The following BIRC5 variants were observed in gnomAD, a reference collection of about 807,000 sequenced individuals.
BIRC5 encodes the protein baculoviral IAP repeat-containing protein 5.
A neutral mutation model predicts 15.8 loss-of-function variants in BIRC5; 8 were observed. That is an observed-to-expected ratio of 0.51 (90% CI 0.30 to 0.91). BIRC5 has a LOEUF of 0.91. BIRC5 is among the 40% of genes least tolerant of loss of function. The probability of loss-of-function intolerance (pLI) is 0.07; values close to 1 mark genes in which losing one functional copy is unlikely to be tolerated. For missense variants in BIRC5, 163 were observed against 178.6 expected (o/e 0.91, Z 0.50); for synonymous variants, 56 against 64.5 (o/e 0.87, Z 0.63).
chr17:78,220,582 C>G (rs1490510631), intron 3 of BIRC5, among the ~76,000 whole-genome samples: 1 of 152,062 alleles, frequency 6.6e-6, no homozygotes, highest in Non-Finnish European at 1.5e-5. Flanking sequence ...TTACAGCCTG[C>G]AAGAAAAGTA....
In BIRC5 at chr17:78,214,323, G is replaced by A. The variant is rs1258524281; in HGVS notation, c.7G>A (p.Ala3Thr). 1.9e-6 allele frequency: 3 copies of A among 1,605,414 alleles called. No individual in the cohort carries two copies. Among genetic ancestry groups the A allele is most frequent in the Non-Finnish European group, 1.7e-6 (2 of 1,177,002 alleles). Reference protein sequence around the residue: MGAPTLPPAWQPF... With the variant: MGTPTLPPAWQPF... The stretch of plus-strand genomic sequence containing the variant: ...CAGAGGTGGCGGCGGCGGCATGGGT[G>A]CCCCGACGTTGCCCCCTGCCTGGCA... The change falls in exon 1 of 4, where the codon GCC becomes ACC. Residue 3 changes from alanine (A) to threonine (T), a missense_variant. Coordinates refer to ENST00000350051, the MANE Select transcript of BIRC5 (RefSeq NM_001168.3).
intron 3 of BIRC5, chr17:78,223,039 G>C: frequency 7.1e-7 from 1 of 1,412,602 alleles, no homozygotes; most frequent in Middle Eastern, 2.5e-4. Context: ...TAGCTGGGGT[G>C]CCTAGACTAG....
chr17:78,214,664 G>T lies in BIRC5; in HGVS notation c.112-16G>T, dbSNP rs1281389996. 1.9e-6 allele frequency: 3 copies of T among 1,588,130 alleles called. No individual in the cohort carries two copies. Among genetic ancestry groups the T allele is most frequent in the Middle Eastern group, 2.1e-4 (1 of 4,724 alleles). On this transcript the variant is annotated splice_polypyrimidine_tract_variant and intron_variant, in intron 1 of 3. Coordinates refer to ENST00000350051, the MANE Select transcript of BIRC5 (RefSeq NM_001168.3). ...GGGCTGCCACGTCCACTCACGAGCT[G>T]TGCTGTCCCTTGCAGATGGCCGAGG...
intron 3 of BIRC5, among the ~76,000 whole-genome samples, chr17:78,219,161 C>T (rs1413875844): frequency 2.0e-5 from 3 of 152,064 alleles, no homozygotes; most frequent in Non-Finnish European, 4.4e-5. Context: ...TAGAGATCAG[C>T]GTAAAATAAT....
intron 2 of BIRC5, chr17:78,216,260 A>AG (rs112819650): frequency 5.6e-4 from 87 of 155,046 alleles, no homozygotes; most frequent in South Asian, 1.9e-3. Flanking sequence ...AAAAAAAAAA[A>AG]AAAAGAAAAA....
chr17:78,216,875 G>A, intron 3 of BIRC5, 94 bp downstream of exon 3: 1 of 983,922 alleles, frequency 1.0e-6, no homozygotes, highest in Non-Finnish European at 1.5e-6. Context: ...TTTTCCTCAG[G>A]AAGCATTTTT....
intron 3 of BIRC5, 113 bp downstream of exon 3, chr17:78,216,894 T>G: frequency 1.3e-6 from 1 of 750,768 alleles, no homozygotes; most frequent in Non-Finnish European, 2.1e-6. Context: ...TTTTTTTTTT[T>G]CTGAGATAGA....
chr17:78,215,396 G>A (rs1019614868), intron 2 of BIRC5, among the ~76,000 whole-genome samples: 3 of 151,042 alleles, frequency 2.0e-5, no homozygotes, highest in African/African-American at 7.3e-5. Context: ...CAGCCTCGGC[G>A]ACAGAGCGAG....
intron 3 of BIRC5, 126 bp from the exon 4 acceptor site, chr17:78,223,339 C>T: frequency 1.1e-6 from 1 of 895,940 alleles, no homozygotes; most frequent in South Asian, 2.0e-5. Context: ...TCTGCCTAGC[C>T]CAGTGCCCAG....
intron 1 of BIRC5, 25 bp downstream of exon 1, chr17:78,214,452 T>C: frequency 6.6e-7 from 1 of 1,515,958 alleles, no homozygotes; most frequent in Non-Finnish European, 8.9e-7. Context: ...CCTCCTGGGG[T>C]CCCCCACGCC....
intron 3 of BIRC5, among the ~76,000 whole-genome samples, chr17:78,218,583 C>T (rs1354079209): frequency 5.4e-5 from 8 of 149,462 alleles, no homozygotes; most frequent in African/African-American, 9.9e-5. Context: ...AGCCACCATG[C>T]GTGGTCTTTT....
At chr17:78,217,718 C>T (rs11077348) in intron 3 of BIRC5, among the ~76,000 whole-genome samples, 50,468 of 149,960 alleles carry the variant, frequency 0.34, 8,802 homozygotes, top group Middle Eastern at 0.49. Flanking sequence ...AGGAGGGTCT[C>T]GATCTCCTGA....
intron 3 of BIRC5, among the ~76,000 whole-genome samples, chr17:78,221,124 A>G (rs2856271): frequency 0.65 from 98,659 of 152,192 alleles, 32,038 homozygotes; most frequent in Middle Eastern, 0.77. Flanking sequence ...ATCGATCAGG[A>G]AATAAATTTA....
Position 78,214,429 on chromosome 17 carries a change from T to C in BIRC5, c.111+2T>C. 1.3e-6 allele frequency: 2 copies of C among 1,558,554 alleles called. No homozygotes were observed. Among genetic ancestry groups the C allele is most frequent in the Non-Finnish European group, 1.7e-6 (2 of 1,150,612 alleles). ...GGCTGCGCCTGCACCCCGGAGCGGG[T>C]GAGACTGCCCGGCCTCCTGGGGTCC... is the stretch of plus-strand genomic sequence containing the variant. On this transcript the variant is annotated splice_donor_variant, in intron 1 of 3. Coordinates refer to ENST00000350051, the MANE Select transcript of BIRC5 (RefSeq NM_001168.3). LOFTEE classifies it high-confidence loss of function.
intron 3 of BIRC5, chr17:78,222,783 A>C (rs1195409261): frequency 6.5e-7 from 1 of 1,533,932 alleles, no homozygotes; most frequent in Non-Finnish European, 8.7e-7. Context: ...ATGGTAGGGA[A>C]GGGGGTCCCT....
intron 2 of BIRC5, 111 bp downstream of exon 2, chr17:78,214,900 T>G (rs1172299836): frequency 7.2e-6 from 7 of 978,962 alleles, no homozygotes; most frequent in Non-Finnish European, 1.1e-5. Context: ...CCTCATTGCT[T>G]CTTAAACAGC....
At chr17:78,221,608 T>C (rs2076516117) in intron 3 of BIRC5, among the ~76,000 whole-genome samples, 1 of 152,148 alleles carries the variant, frequency 6.6e-6, no homozygotes, top group Non-Finnish European at 1.5e-5. Context: ...GTGCTGGGAT[T>C]ACAGGCGTGA....
intron 3 of BIRC5, among the ~76,000 whole-genome samples, chr17:78,223,216 C>A (rs1227401573): frequency 6.6e-6 from 1 of 152,202 alleles, no homozygotes; most frequent in Non-Finnish European, 1.5e-5. Context: ...TAGAGTGGTG[C>A]TGGGTGCATA....
At position 78,214,719 on chromosome 17, in the gene BIRC5, G is replaced by T; in HGVS notation, c.151G>T (p.Glu51Ter). Residue 51 changes from glutamate to a stop codon, truncating the protein, a stop_gained, in exon 2 of 4, where the codon GAG becomes TAG. Coordinates refer to ENST00000350051, the MANE Select transcript of BIRC5 (RefSeq NM_001168.3). LOFTEE classifies it high-confidence loss of function. ...CTTCATCCACTGCCCCACTGAGAAC[G>T]AGCCAGACTTGGCCCAGTGTTTCTT... The part of the protein sequence containing the change: ...AGFIHCPTEN[E>*]PDLAQCFFCF... 1 of 1,611,658 alleles carries T rather than the reference G, an allele frequency of 6.2e-7. No individual in the cohort carries two copies.
Sources: allele counts gnomAD v4.1 joint callset (sites outside exome capture counted in the v4.1 genomes callset), GRCh38; gene constraint gnomAD v4.1.1; transcripts MANE v1.5; gene names NCBI Gene and HGNC (gene_info 2026-07-23, HGNC 2026-07-21).